The following TRPM7 variants were observed in gnomAD, a reference collection of about 807,000 sequenced individuals.
The protein encoded by TRPM7 is LTRPC ion channel family member 7.
In TRPM7, 134 loss-of-function variants were observed where a neutral mutation model predicts 229.7. That is an observed-to-expected ratio of 0.58 (90% CI 0.51 to 0.67). TRPM7 has a LOEUF of 0.67. TRPM7 is among the 30% of genes least tolerant of loss of function. The pLI is 0.00. For synonymous variants in TRPM7, 699 were observed against 715.2 expected, an observed-to-expected ratio of 0.98 and a Z score of 0.36; for missense variants, 1,901 against 2,210.0, an observed-to-expected ratio of 0.86 and a Z score of 2.80.
At chr15:50,651,856 C>T (rs1250865354) in intron 3 of TRPM7, among the ~76,000 whole-genome samples, 1 of 151,816 alleles carries the variant, frequency 6.6e-6, no homozygotes, top group Non-Finnish European at 1.5e-5. Context: ...CACTGCACAT[C>T]CAGCCTGGCG....
chr15:50,601,323 A>G (rs566958793), intron 21 of TRPM7, among the ~76,000 whole-genome samples: 2 of 152,232 alleles, frequency 1.3e-5, no homozygotes, highest in Non-Finnish European at 2.9e-5. Flanking sequence ...TGTGAGTATC[A>G]GCTTGCTCAT....
chr15:50,661,293 T>C (rs1567105524), intron 2 of TRPM7, among the ~76,000 whole-genome samples: 1 of 152,138 alleles, frequency 6.6e-6, no homozygotes, highest in Non-Finnish European at 1.5e-5. Context: ...ACCATTCTTA[T>C]AAAATATCTG....
Position 50,561,741 on chromosome 15 carries a change from A to T in TRPM7, c.5535T>A (p.Asn1845Lys). ...CTTTGGTGGAATTTCCAGGCTGAAG[A>T]TTCAAATCTGAAGGCTCATCCTGAG... The part of the protein sequence containing the change: ...IFPQDEPSDL[N>K]LQPGNSTKES... The change falls in exon 39 of 39, where the codon AAT becomes AAA. Residue 1845 changes from asparagine (N) to lysine (K), a missense_variant. By Grantham distance (94) the Asn-to-Lys change is moderately conservative (BLOSUM62 0). This residue lies in a region of TRPM7 where 257 missense variants were observed against 352.0 expected (regional missense o/e 0.73). Coordinates refer to ENST00000646667, the MANE Select transcript of TRPM7 (RefSeq NM_017672.6). 6.2e-6 allele frequency: 10 copies of T among 1,613,400 alleles called. No homozygotes were observed. The highest frequency in any genetic ancestry group is 8.5e-6 in the Non-Finnish European group (10 of 1,179,716).
chr15:50,619,904 T>G, intron 12 of TRPM7, 106 bp from the exon 13 acceptor site: 1 of 958,924 alleles, frequency 1.0e-6, no homozygotes, highest in Non-Finnish European at 1.5e-6. Context: ...TGTTTTGGAG[T>G]TATTTCCTTA....
chr15:50,618,977 AT>A (rs964234212), intron 13 of TRPM7, among the ~76,000 whole-genome samples: 9 of 151,856 alleles, frequency 5.9e-5, no homozygotes, highest in South Asian at 2.1e-4. Context: ...GAAATACTAG[AT>A]TTTTTTTTAA....
At chr15:50,582,337 T>C (rs1300404207) in intron 29 of TRPM7, 1 of 152,196 alleles carries the variant, frequency 6.6e-6, no homozygotes, top group East Asian at 1.9e-4. Flanking sequence ...TTTCTCATGT[T>C]TTATATTTAA....
intron 4 of TRPM7, among the ~76,000 whole-genome samples, chr15:50,645,779 T>C (rs368919066): frequency 1.3e-5 from 2 of 152,168 alleles, no homozygotes; most frequent in African/African-American, 2.4e-5. Flanking sequence ...CTTCCTACAA[T>C]GATGGGCTAG....
At position 50,612,547 on chromosome 15, in the gene TRPM7, A is replaced by G. The variant is rs1283974905; in HGVS notation, c.2051+2T>C. On this transcript the variant is annotated splice_donor_variant, in intron 16 of 38. Transcript: ENST00000646667. LOFTEE classifies it high-confidence loss of function. ...GTTTTCAAATGATAAAATACCACTT[A>G]CTTGGAATACTGTTTTAGTTCTTCT... 1.2e-6 allele frequency: 2 copies of G among 1,600,662 alleles called. No individual in the cohort carries two copies. Among genetic ancestry groups the G allele is most frequent in the Admixed American group, 3.4e-5 (2 of 58,286 alleles).
intron 3 of TRPM7, among the ~76,000 whole-genome samples, chr15:50,650,094 G>C (rs2061375336): frequency 6.7e-6 from 1 of 149,900 alleles, no homozygotes; most frequent in African/African-American, 2.5e-5. Context: ...TCAGGAGGCT[G>C]AGGCAGGAGA....
rs1473474615 is a variant in TRPM7 at position 50,557,772 on chromosome 15, T to G, written c.*3906A>C. On this transcript the variant is annotated 3_prime_UTR_variant, in exon 39 of 39. Transcript: ENST00000646667. ...AATTCTCCTGCCTCAGCCTCCTGAG[T>G]AGCTGGGCCTACAGGCACGCGCCAC... The G allele has an allele frequency of 1.3e-5, 2 of 152,242 alleles. No individual in the cohort carries two copies. Among genetic ancestry groups the G allele is most frequent in the Non-Finnish European group, 2.9e-5 (2 of 68,102 alleles). The allele number at this position is 152,242 out of a possible 1,614,324, so 9.4% of individuals were successfully genotyped here. A position where few individuals can be genotyped will look rare whatever the true frequency, so the allele number is the denominator to read the frequency against.
At chr15:50,619,845 T>C in intron 12 of TRPM7, 47 bp from the exon 13 acceptor site, 1 of 1,496,676 alleles carries the variant, frequency 6.7e-7, no homozygotes, top group South Asian at 1.2e-5. Flanking sequence ...TCTTCTAAAC[T>C]AATTTAAACC....
At position 50,590,825 on chromosome 15, in the gene TRPM7, TAA is replaced by T. The variant is rs34051921; in HGVS notation, c.4324+1084_4324+1085del. 5.2e-3 allele frequency among the ~76,000 whole-genome samples: 615 copies of T among 118,006 alleles called. 5 individuals carry two copies. The East Asian group carries it at 0.052, about 10-fold the overall frequency. The allele number at this position is 118,006 out of a possible 152,430, so 77.4% of individuals were successfully genotyped here. A position where few individuals can be genotyped will look rare whatever the true frequency, so the allele number is the denominator to read the frequency against. On this transcript the variant is annotated intron_variant, in intron 26 of 38. Coordinates refer to ENST00000646667, the MANE Select transcript of TRPM7 (RefSeq NM_017672.6). ...GGCGACAGAGGGAGACTCCGTCTTT[TAA>T]AAAAAAAAAAAAAAGGGGGAATATA...
At chr15:50,684,406 T>C (rs2062313657) in intron 1 of TRPM7, among the ~76,000 whole-genome samples, 1 of 151,390 alleles carries the variant, frequency 6.6e-6, no homozygotes, top group Non-Finnish European at 1.5e-5. Context: ...CTTTGGGAGG[T>C]GAGACAGCCA....
At position 50,639,499 on chromosome 15, in the gene TRPM7, T is replaced by C. The variant is rs1292110641; in HGVS notation, c.585A>G (p.Ser195=). ...GDALKEHASR[S]SRKICTIGIA... is the part of the protein sequence containing the mutation. ...TTCCGATAGTGCAAATCTTTCGAGA[T>C]GATCTGGAAGCATGTTCTTTGAGGG... is the stretch of plus-strand genomic sequence containing the variant. Residue 195 remains serine, a synonymous_variant, in exon 6 of 39, where the codon TCA becomes TCG. Coordinates refer to ENST00000646667, the MANE Select transcript of TRPM7 (RefSeq NM_017672.6). The C allele has an allele frequency of 1.2e-6, 2 of 1,612,162 alleles. No individual in the cohort carries two copies. Among genetic ancestry groups the C allele is most frequent in the African/African-American group, 2.7e-5 (2 of 74,914 alleles).
chr15:50,588,100 G>A (rs377195261), intron 27 of TRPM7: 16 of 359,780 alleles, frequency 4.4e-5, no homozygotes, highest in East Asian at 1.7e-4. Flanking sequence ...TGATAGGTCC[G>A]CTGAACCTAC....
intron 1 of TRPM7, among the ~76,000 whole-genome samples, chr15:50,663,671 T>A (rs1282050844): frequency 6.6e-6 from 1 of 152,100 alleles, no homozygotes; most frequent in East Asian, 1.9e-4. Context: ...TATGAGCCAT[T>A]TAAAAGACAA....
intron 1 of TRPM7, among the ~76,000 whole-genome samples, chr15:50,680,924 C>G (rs2062228310): frequency 6.6e-6 from 1 of 152,064 alleles, no homozygotes; most frequent in Non-Finnish European, 1.5e-5. Context: ...ATGGAGAAAA[C>G]AGTATTGACA....
At chr15:50,591,282 TA>T (rs2059485900) in intron 26 of TRPM7, among the ~76,000 whole-genome samples, 1 of 152,206 alleles carries the variant, frequency 6.6e-6, no homozygotes, top group Non-Finnish European at 1.5e-5. Flanking sequence ...CATCTATTTA[TA>T]GGGCACTGTT....
intron 6 of TRPM7, among the ~76,000 whole-genome samples, chr15:50,638,275 C>T (rs549151957): frequency 2.2e-5 from 3 of 138,890 alleles, no homozygotes; most frequent in Admixed American, 7.7e-5. Flanking sequence ...AGGAGAATGG[C>T]GTGAACCCGG....
Sources: gnomAD v4.1 joint callset for allele counts (sites outside exome capture counted in the v4.1 genomes callset) on GRCh38, gnomAD v4.1.1 for gene constraint, gnomAD v4.1.1 regional missense constraint, MANE v1.5 for transcripts, NCBI Gene and HGNC (gene_info 2026-07-23, HGNC 2026-07-21) for gene names.